TMEM30A: variants seen among roughly 807,000 people sequenced by gnomAD.
TMEM30A encodes cell cycle control protein 50A.
Under a neutral mutation model 38.2 loss-of-function variants are expected in TMEM30A, and 24 were observed. The observed-to-expected ratio is 0.63, with a 90% confidence interval of 0.46 to 0.88. The LOEUF (loss-of-function observed/expected upper bound fraction) is 0.88. Among genes scored for constraint, TMEM30A ranks in the 40% least tolerant of loss-of-function variants. The pLI is 0.00. For missense variants in TMEM30A, 370 were observed against 458.6 expected (o/e 0.81, Z 1.77); for synonymous variants, 145 against 161.6 (o/e 0.90, Z 0.78).
intron 6 of TMEM30A, chr6:75,256,737 G>C: frequency 2.1e-6 from 1 of 483,234 alleles, no homozygotes; most frequent in Non-Finnish European, 4.1e-6. Context: ...GTGTAGTTAT[G>C]AGACTATGAA....
intron 1 of TMEM30A, among the ~76,000 whole-genome samples, chr6:75,275,013 A>G (rs1299804212): frequency 2.7e-5 from 4 of 145,880 alleles, no homozygotes; most frequent in Admixed American, 2.7e-4. Flanking sequence ...TCTGTCTCAA[A>G]AAAAAAAAAA....
chr6:75,265,351 A>C lies in TMEM30A; in HGVS notation c.346-13T>G. On this transcript the variant is annotated splice_polypyrimidine_tract_variant and intron_variant, in intron 2 of 6. Coordinates refer to ENST00000230461, the MANE Select transcript of TMEM30A (RefSeq NM_018247.4). ...TAAACACGTTGCCCTAGAGAAACAG[A>C]GAGGGAAAAAATTTTCATATAAAAA... 1 of 1,508,026 alleles carries C rather than the reference A, an allele frequency of 6.6e-7. No homozygotes were observed. The highest frequency in any genetic ancestry group is 9.0e-7 in the Non-Finnish European group (1 of 1,107,130). 93.4% of individuals were successfully genotyped at this position (1,508,026 alleles called of 1,614,324 possible). A position where few individuals can be genotyped will look rare whatever the true frequency, so the allele number is the denominator to read the frequency against.
intron 1 of TMEM30A, among the ~76,000 whole-genome samples, chr6:75,279,038 C>T (rs188256479): frequency 3.5e-5 from 5 of 141,982 alleles, no homozygotes; most frequent in Admixed American, 1.5e-4. Context: ...CCTAGCAATG[C>T]TTAGTTTTCT....
At chr6:75,259,555 C>CT in intron 4 of TMEM30A, 65 bp from the exon 5 acceptor site, 1 of 1,400,508 alleles carries the variant, frequency 7.1e-7, no homozygotes, top group Non-Finnish European at 9.5e-7. Context: ...CTGCTTAACT[C>CT]TATGAGAAAT....
intron 1 of TMEM30A, among the ~76,000 whole-genome samples, chr6:75,269,629 T>G (rs892331085): frequency 1.3e-5 from 2 of 152,224 alleles, no homozygotes; most frequent in Non-Finnish European, 2.9e-5. Context: ...TGTGTGGACA[T>G]TAGTTTTCAA....
In TMEM30A at chr6:75,258,957, G is replaced by C. The variant is rs1236529922; in HGVS notation, c.715C>G (p.Pro239Ala). The C allele has an allele frequency of 6.2e-7, 1 of 1,613,502 alleles. No individual in the cohort carries two copies. Among genetic ancestry groups the C allele is most frequent in the African/African-American group, 1.3e-5 (1 of 74,894 alleles). The change falls in exon 6 of 7, where the codon CCA becomes GCA. Residue 239 changes from proline to alanine, a missense_variant. Pro to Ala is a conservative substitution (Grantham distance 27, BLOSUM62 -1). Transcript: ENST00000230461. Reference sequence around the variant, plus strand: ...GGGTCAGAATCCAGCATGTAAACTGGTTTAAGCCAGTTCACAGGCTTTGTT... The same window carrying C: ...GGGTCAGAATCCAGCATGTAAACTGCTTTAAGCCAGTTCACAGGCTTTGTT... ...GTTKPVNWLK[P>A]VYMLDSDPDN...
At position 75,258,981 on chromosome 6, in the gene TMEM30A, T is replaced by C. The variant is rs764169458; in HGVS notation, c.691A>G (p.Thr231Ala). Residue 231 changes from threonine to alanine, a missense_variant, in exon 6 of 7, where the codon ACA becomes GCA. By Grantham distance (58) the Thr-to-Ala change is moderately conservative (BLOSUM62 0). Transcript: ENST00000230461. The stretch of plus-strand genomic sequence containing the variant: ...GGTTTAAGCCAGTTCACAGGCTTTG[T>C]TGTACCTTAAAAGGAGTGGGGAGGG... Reference protein sequence around the residue: ...DNLEERFKGTTKPVNWLKPVY... With the variant: ...DNLEERFKGTAKPVNWLKPVY... 8.1e-6 allele frequency: 13 copies of C among 1,612,958 alleles called. No individual in the cohort carries two copies. The highest frequency in any genetic ancestry group is 6.7e-5 in the East Asian group (3 of 44,848).
chr6:75,281,545 A>T (rs983497431), intron 1 of TMEM30A, among the ~76,000 whole-genome samples: 10 of 152,194 alleles, frequency 6.6e-5, no homozygotes, highest in Admixed American at 5.9e-4. Flanking sequence ...GTAAGCATTA[A>T]AATGTGAAAA....
At position 75,255,186 on chromosome 6, in the gene TMEM30A, CTGAG is replaced by C. The variant is rs1562382483; in HGVS notation, c.*912_*915del. 1.3e-5 allele frequency: 2 copies of C among 152,492 alleles called. No homozygotes were observed. Among genetic ancestry groups the C allele is most frequent in the East Asian group, 1.9e-4 (1 of 5,196 alleles). 9.4% of individuals were successfully genotyped at this position (152,492 alleles called of 1,614,324 possible). A position where few individuals can be genotyped will look rare whatever the true frequency, so the allele number is the denominator to read the frequency against. On this transcript the variant is annotated 3_prime_UTR_variant, in exon 7 of 7. Transcript: ENST00000230461. ...CACTTACCTGCAGAATAAAAACAGC[CTGAG>C]TATTTCCAAAGCTGAAGTAATTTTC...
intron 3 of TMEM30A, among the ~76,000 whole-genome samples, chr6:75,264,465 G>A (rs767237837): frequency 1.2e-4 from 18 of 151,682 alleles, no homozygotes; most frequent in Non-Finnish European, 2.5e-4. Flanking sequence ...GCGAAACCCC[G>A]TCTCTACTAA....
intron 2 of TMEM30A, among the ~76,000 whole-genome samples, chr6:75,266,459 G>A (rs1169611813): frequency 1.3e-5 from 2 of 152,108 alleles, no homozygotes; most frequent in African/African-American, 4.8e-5. Flanking sequence ...AATTCAATTT[G>A]TAAACTGAAA....
Position 75,256,025 on chromosome 6 carries a change from A to T in TMEM30A, c.*77T>A. Reference sequence around the variant, plus strand: ...AACTTCAAAATGACATACTAACCAGATATCAGCATTCGAAAGCTAGGTTGA... The same window carrying T: ...AACTTCAAAATGACATACTAACCAGTTATCAGCATTCGAAAGCTAGGTTGA... On this transcript the variant is annotated 3_prime_UTR_variant, in exon 7 of 7. Transcript: ENST00000230461. 1 of 1,015,560 alleles carries T rather than the reference A, an allele frequency of 9.8e-7. No individual in the cohort carries two copies. The highest frequency in any genetic ancestry group is 1.4e-6 in the Non-Finnish European group (1 of 697,880). The allele number at this position is 1,015,560 out of a possible 1,614,324, so 62.9% of individuals were successfully genotyped here.
rs1315774024 is a variant in TMEM30A, at chr6:75,258,854, T to C, written c.818A>G (p.Tyr273Cys). 6.2e-7 allele frequency: 1 copy of C among 1,614,000 alleles called. No homozygotes were observed. ...ATCACTTTTCCTTTCTATAAGACGA[T>C]ACAACTTGCGAAAAGTAGGTAATGC... The part of the protein sequence containing the change: ...TAALPTFRKL[Y>C]RLIERKSDLH... Residue 273 changes from tyrosine (Y) to cysteine (C), a missense_variant, in exon 6 of 7, where the codon TAT becomes TGT. Physicochemically the swap from Tyr to Cys is radical, Grantham distance 194. Transcript: ENST00000230461.
intron 2 of TMEM30A, 65 bp downstream of exon 2, chr6:75,267,576 A>G: frequency 2.6e-6 from 3 of 1,154,464 alleles, no homozygotes; most frequent in Middle Eastern, 2.0e-4. Context: ...TGTAAAAGAC[A>G]TTTAGTACAG....
rs1201422828 is a variant in TMEM30A, at chr6:75,284,420, G to A, written c.219C>T (p.Asn73=). 3 of 1,614,016 alleles carry A rather than the reference G, an allele frequency of 1.9e-6. No individual in the cohort carries two copies. The African/African-American group carries it at 4.0e-5, about 22-fold the overall frequency. Residue 73 remains asparagine, a synonymous_variant, in exon 1 of 7, where the codon AAC becomes AAT. Coordinates refer to ENST00000230461, the MANE Select transcript of TMEM30A (RefSeq NM_018247.4). The part of the protein sequence containing the change: ...PIGIGIFVTS[N]NIREIEIDYT... ...CCCTCACCTCGATCTCGCGGATGTT[G>A]TTGGAGGTGACAAAAATGCCAATGC...
rs372321063 is a variant in TMEM30A at position 75,277,200 on chromosome 6, ATACAGGAAAC to A, written c.237+7192_237+7201del. 6.8e-3 allele frequency among the ~76,000 whole-genome samples: 1,035 copies of A among 152,194 alleles called. 8 individuals carry two copies. Among genetic ancestry groups the A allele is most frequent in the Non-Finnish European group, 0.012 (796 of 68,008 alleles). The stretch of plus-strand genomic sequence containing the variant: ...TTTAAACAGATTGTGTGGAAAGAGA[ATACAGGAAAC>A]TACAGGAAACTAAACAAGAGGTCAG... On this transcript the variant is annotated intron_variant, in intron 1 of 6. Transcript: ENST00000230461.
At chr6:75,272,895 C>T (rs560578353) in intron 1 of TMEM30A, 87 of 152,264 alleles carry the variant, frequency 5.7e-4, no homozygotes, top group African/African-American at 2.0e-3. Context: ...CCATGGTAGC[C>T]AGTGTAAAGG....
intron 1 of TMEM30A, among the ~76,000 whole-genome samples, chr6:75,270,899 A>G (rs1290544855): frequency 1.3e-5 from 2 of 152,212 alleles, no homozygotes. Flanking sequence ...TAGTCACATA[A>G]CTAAAACAAA....
intron 1 of TMEM30A, among the ~76,000 whole-genome samples, chr6:75,278,096 C>A (rs1772292258): frequency 6.6e-6 from 1 of 151,814 alleles, no homozygotes; most frequent in African/African-American, 2.4e-5. Flanking sequence ...TCACTTTTCA[C>A]ATGAAAAAAC....
Sources: gnomAD v4.1 joint callset for allele counts (sites outside exome capture counted in the v4.1 genomes callset) on GRCh38, gnomAD v4.1.1 for gene constraint, MANE v1.5 for transcripts, NCBI Gene and HGNC (gene_info 2026-07-23, HGNC 2026-07-21) for gene names.